Variants in CD209 observed in about 807,000 individuals in gnomAD.
CD209 encodes CD209 antigen.
CD209 carries 31 observed loss-of-function variants against 44.7 expected under a neutral mutation model. The observed-to-expected ratio is 0.69, with a 90% CI of 0.52 to 0.94. CD209 has a LOEUF of 0.94. Ranked by LOEUF, CD209 falls within the 40% of genes least tolerant of loss-of-function variation. The probability of loss-of-function intolerance (pLI) is 0.00; values close to 1 mark genes in which losing one functional copy is unlikely to be tolerated. For missense variants in CD209, 407 were observed against 452.4 expected (o/e 0.90, Z 0.91); for synonymous variants, 173 against 181.3 (o/e 0.95, Z 0.37).
intron 2 of CD209, 151 bp downstream of exon 2, chr19:7,747,155 C>T: frequency 1.3e-6 from 1 of 795,124 alleles, no homozygotes; most frequent in Non-Finnish European, 2.1e-6. Context: ...GAATTCAGGC[C>T]CCAAACTCAA....
rs775646663 is a variant in CD209, at chr19:7,745,017, C to T, written c.824G>A (p.Arg275Gln). 8.7e-6 allele frequency: 14 copies of T among 1,614,068 alleles called. No homozygotes were observed. Among genetic ancestry groups the T allele is most frequent in the East Asian group, 2.2e-5 (1 of 44,898 alleles). The change falls in exon 5 of 7, where the codon CGG becomes CAG. Residue 275 changes from arginine to glutamine, a missense_variant. Coordinates refer to ENST00000315599, the MANE Select transcript of CD209 (RefSeq NM_021155.4). ...GNCYFMSNSQ[R>Q]NWHDSITACK... ...GGCGGTGATGGAGTCGTGCCAGTTCCGCTGGGAGTTAGACATGAAGTAACA... is the reference window on the plus strand; with the variant it reads ...GGCGGTGATGGAGTCGTGCCAGTTCTGCTGGGAGTTAGACATGAAGTAACA...
In CD209 at chr19:7,742,952, G is replaced by C. The variant is rs2033659097; in HGVS notation, c.*87C>G. 9.3e-7 allele frequency: 1 copy of C among 1,074,574 alleles called. No homozygotes were observed. Among genetic ancestry groups the C allele is most frequent in the Admixed American group, 1.8e-5 (1 of 55,282 alleles). 66.6% of individuals were successfully genotyped at this position (1,074,574 alleles called of 1,614,324 possible). A position where few individuals can be genotyped will look rare whatever the true frequency, so the allele number is the denominator to read the frequency against. On this transcript the variant is annotated 3_prime_UTR_variant, in exon 7 of 7. Coordinates refer to ENST00000315599, the MANE Select transcript of CD209 (RefSeq NM_021155.4). Reference sequence around the variant, plus strand: ...GGGACCCAGCCTTCTAAAGGAGGAAGAATCTGACAAAGAACAGTCCCAGAG... The same window carrying C: ...GGGACCCAGCCTTCTAAAGGAGGAACAATCTGACAAAGAACAGTCCCAGAG...
intron 4 of CD209, 114 bp downstream of exon 4, chr19:7,745,404 G>C: frequency 6.3e-7 from 1 of 1,581,744 alleles, no homozygotes; most frequent in Non-Finnish European, 8.6e-7. Context: ...CAGTTACCCT[G>C]TGTTCTCATT....
chr19:7,746,649 C>T (rs2033839414), intron 2 of CD209, 118 bp from the exon 3 acceptor site: 5 of 954,932 alleles, frequency 5.2e-6, no homozygotes, highest in Non-Finnish European at 6.5e-6. Context: ...CAGCCCCCTC[C>T]ACTCCAACAC....
intron 6 of CD209, 81 bp downstream of exon 6, chr19:7,744,026 G>T: frequency 8.4e-7 from 1 of 1,191,384 alleles, no homozygotes; most frequent in Non-Finnish European, 1.2e-6. Flanking sequence ...TCAGGGAGTT[G>T]GGGAGGATCC....
chr19:7,747,017 A>G (rs1599485456), intron 2 of CD209, among the ~76,000 whole-genome samples: 1 of 131,224 alleles, frequency 7.6e-6, no homozygotes, highest in South Asian at 2.5e-4. Context: ...CCAGGCCCCC[A>G]CCTCTCCAGG....
In CD209 at chr19:7,741,880, C is replaced by T. The variant is rs2146312907; in HGVS notation, c.*1159G>A. ...TACTACAGGCTGCGGGGAAGGAGAA[C>T]CCTAGTCCAGACCATTCCTACAAAA... is the stretch of plus-strand genomic sequence containing the variant. On this transcript the variant is annotated 3_prime_UTR_variant, in exon 7 of 7. Transcript: ENST00000315599. The T allele has an allele frequency of 2.1e-6, 1 of 465,426 alleles. No homozygotes were observed. Among genetic ancestry groups the T allele is most frequent in the Non-Finnish European group, 4.2e-6 (1 of 237,584 alleles). 28.8% of individuals were successfully genotyped at this position (465,426 alleles called of 1,614,324 possible).
rs983362057 is a variant in CD209, at chr19:7,742,439, A to G, written c.*600T>C. 1 of 152,784 alleles carries G rather than the reference A, an allele frequency of 6.5e-6. No individual in the cohort carries two copies. Among genetic ancestry groups the G allele is most frequent in the East Asian group, 1.9e-4 (1 of 5,206 alleles). The allele number at this position is 152,784 out of a possible 1,614,324, so 9.5% of individuals were successfully genotyped here. ...GCCATGGCACTCCAGCCTGAGCGACAAGAGTGAAACTCCATCTCGAAAAAT... is the reference window on the plus strand; with the variant it reads ...GCCATGGCACTCCAGCCTGAGCGACGAGAGTGAAACTCCATCTCGAAAAAT... On this transcript the variant is annotated 3_prime_UTR_variant, in exon 7 of 7. Transcript: ENST00000315599.
rs1599471692 is a variant in CD209, at chr19:7,742,920, A to G, written c.*119T>C. The G allele has an allele frequency of 1.2e-6, 1 of 842,786 alleles. No individual in the cohort carries two copies. Among genetic ancestry groups the G allele is most frequent in the African/African-American group, 1.7e-5 (1 of 59,502 alleles). The allele number at this position is 842,786 out of a possible 1,614,324, so 52.2% of individuals were successfully genotyped here. ...GGAAATTGGAGGCATGACAAGAAGG[A>G]CAGAATGGGACCCAGCCTTCTAAAG... On this transcript the variant is annotated 3_prime_UTR_variant, in exon 7 of 7. Coordinates refer to ENST00000315599, the MANE Select transcript of CD209 (RefSeq NM_021155.4).
Position 7,741,848 on chromosome 19 carries a change from C to T in CD209, c.*1191G>A, listed in dbSNP as rs1247827203. ...AGGGGAGAGAGAGGGTGGGCCACCA[C>T]GATGAATACTACAGGCTGCGGGGAA... On this transcript the variant is annotated 3_prime_UTR_variant, in exon 7 of 7. Transcript: ENST00000315599. 8.4e-6 allele frequency: 4 copies of T among 477,556 alleles called. No individual in the cohort carries two copies. The highest frequency in any genetic ancestry group is 1.6e-5 in the Non-Finnish European group (4 of 243,192). The allele number at this position is 477,556 out of a possible 1,614,324, so 29.6% of individuals were successfully genotyped here. A position where few individuals can be genotyped will look rare whatever the true frequency, so the allele number is the denominator to read the frequency against.
intron 4 of CD209, 24 bp downstream of exon 4, chr19:7,745,494 G>T: frequency 6.2e-7 from 1 of 1,612,326 alleles, no homozygotes; most frequent in Non-Finnish European, 8.5e-7. Flanking sequence ...TCAGGCCCAA[G>T]AAGCCCTGGT....
chr19:7,742,786 A>G lies in CD209; in HGVS notation c.*253T>C, dbSNP rs1654616425. ...CAACCCAAATATCCTAATCTCCAAA[A>G]GGAAGAGAGAGTGGATTCTTGGAAC... On this transcript the variant is annotated 3_prime_UTR_variant, in exon 7 of 7. Coordinates refer to ENST00000315599, the MANE Select transcript of CD209 (RefSeq NM_021155.4). 7.2e-6 allele frequency: 4 copies of G among 558,430 alleles called. No individual in the cohort carries two copies. The South Asian group carries it at 8.9e-5, about 12-fold the overall frequency. The allele number at this position is 558,430 out of a possible 1,614,324, so 34.6% of individuals were successfully genotyped here.
At position 7,742,900 on chromosome 19, in the gene CD209, T is replaced by C; in HGVS notation, c.*139A>G. On this transcript the variant is annotated 3_prime_UTR_variant, in exon 7 of 7. Transcript: ENST00000315599. ...AAAACAAGCTCTACACCAGGGGAAATTGGAGGCATGACAAGAAGGACAGAA... is the reference window on the plus strand; with the variant it reads ...AAAACAAGCTCTACACCAGGGGAAACTGGAGGCATGACAAGAAGGACAGAA... The C allele has an allele frequency of 1.4e-6, 1 of 717,960 alleles. No homozygotes were observed. The highest frequency in any genetic ancestry group is 2.4e-6 in the Non-Finnish European group (1 of 423,730). The allele number at this position is 717,960 out of a possible 1,614,324, so 44.5% of individuals were successfully genotyped here.
At position 7,746,055 on chromosome 19, in the gene CD209, G is replaced by C. The variant is rs747053615; in HGVS notation, c.211C>G (p.Gln71Glu). Residue 71 changes from glutamine to glutamate, a missense_variant, in exon 4 of 7, where the codon CAA (glutamine) becomes GAA (glutamate). Transcript: ENST00000315599. ...SKVPSSISQE[Q>E]SRQDAIYQNL... The stretch of plus-strand genomic sequence containing the variant: ...TGGTAGATCGCGTCTTGCCTGGATT[G>C]TTCCTGACTTATGGAGCTGGGGACC... 1.2e-6 allele frequency: 2 copies of C among 1,614,238 alleles called. No homozygotes were observed. The highest frequency in any genetic ancestry group is 8.5e-7 in the Non-Finnish European group (1 of 1,180,046).
chr19:7,745,513 C>T lies in CD209; in HGVS notation c.748+5G>A, dbSNP rs770520268. ...GCCCAAGAAGCCCTGGTTCCAGATA[C>T]TCACCCACTGCAGCCTTCAGCTGGG... On this transcript the variant is annotated splice_donor_5th_base_variant and intron_variant, in intron 4 of 6. Transcript: ENST00000315599. 6 of 1,612,334 alleles carry T rather than the reference C, an allele frequency of 3.7e-6. No individual in the cohort carries two copies. Among genetic ancestry groups the T allele is most frequent in the East Asian group, 2.2e-5 (1 of 44,896 alleles).
Position 7,740,469 on chromosome 19 carries a change from GA to G in CD209, c.*2569del. ...CGGTGCCGGCAAGATGGCTGCGCCC[GA>G]AAAGGTGACATTTCCAGAGAAACCA... On this transcript the variant is annotated 3_prime_UTR_variant, in exon 7 of 7. Coordinates refer to ENST00000315599, the MANE Select transcript of CD209 (RefSeq NM_021155.4). 1.2e-6 allele frequency: 1 copy of G among 849,032 alleles called. No individual in the cohort carries two copies. 52.6% of individuals were successfully genotyped at this position (849,032 alleles called of 1,614,324 possible).
At chr19:7,746,325 G>T in intron 3 of CD209, 135 bp downstream of exon 3, 1 of 1,089,380 alleles carries the variant, frequency 9.2e-7, no homozygotes, top group African/African-American at 1.6e-5. Flanking sequence ...GGCTGTGGGA[G>T]AGGCCCCTAC....
intron 5 of CD209, 95 bp downstream of exon 5, chr19:7,744,846 A>C: frequency 2.0e-6 from 3 of 1,522,420 alleles, no homozygotes; most frequent in Non-Finnish European, 2.7e-6. Flanking sequence ...AAGTGGAGCA[A>C]AACCCCTCTT....
chr19:7,745,119 G>T, intron 4 of CD209, 27 bp from the exon 5 acceptor site: 1 of 1,613,532 alleles, frequency 6.2e-7, no homozygotes, highest in East Asian at 2.2e-5. Flanking sequence ...GTCAGGGCTG[G>T]GCTTAGATTA....
Sources: allele counts gnomAD v4.1 joint callset (sites outside exome capture counted in the v4.1 genomes callset), GRCh38; gene constraint gnomAD v4.1.1; transcripts MANE v1.5; gene names NCBI Gene and HGNC (gene_info 2026-07-23, HGNC 2026-07-21).